The following AGBL1 variants were observed in gnomAD, a reference collection of about 807,000 sequenced individuals.
AGBL1 encodes cytosolic carboxypeptidase 4.
Under a neutral mutation model 118.9 loss-of-function variants are expected in AGBL1, and 130 were observed. That is an observed-to-expected ratio of 1.09 (90% CI 0.95 to 1.26). The LOEUF (loss-of-function observed/expected upper bound fraction) is 1.26. Ranked by LOEUF, AGBL1 falls within the 50% of genes most tolerant of loss-of-function variation. The probability of loss-of-function intolerance (pLI) is 0.00; values close to 1 mark genes in which losing one functional copy is unlikely to be tolerated. For missense variants in AGBL1, 1,584 were observed against 1,298.1 expected (o/e 1.22, Z -3.38); for synonymous variants, 555 against 478.9 (o/e 1.16, Z -2.08).
rs184362861 is a variant in AGBL1 at position 86,872,821 on chromosome 15, A to T, written c.3159-34266A>T. On this transcript the variant is annotated intron_variant, in intron 22 of 22. Coordinates refer to ENST00000614907, the MANE Select transcript of AGBL1 (RefSeq NM_001386094.1). ...ACAAATCCATAATGATATGTTTAGC[A>T]ATCCTGTTTTTTATTTATCCTTTCC... is the stretch of plus-strand genomic sequence containing the variant. 4.3e-3 allele frequency among the ~76,000 whole-genome samples: 656 copies of T among 152,348 alleles called. 2 individuals are homozygous for T. Among genetic ancestry groups the T allele is most frequent in the South Asian group, 7.0e-3 (34 of 4,828 alleles).
At chr15:86,773,128 A>C (rs2078205469) in intron 22 of AGBL1, among the ~76,000 whole-genome samples, 1 of 152,030 alleles carries the variant, frequency 6.6e-6, no homozygotes, top group South Asian at 2.1e-4. Context: ...TGTTCAACCA[A>C]CATTATTGAG....
chr15:86,756,220 G>A lies in AGBL1; in HGVS notation c.3158+81784G>A, dbSNP rs571674385. Among the ~76,000 whole-genome samples the A allele has an allele frequency of 3.3e-5, 5 of 150,398 alleles. No individual in the cohort carries two copies. In the South Asian group the frequency reaches 1.0e-3, roughly 31 times the overall value. On this transcript the variant is annotated intron_variant, in intron 22 of 22. Transcript: ENST00000614907. Reference sequence around the variant, plus strand: ...CTCACAGAAAAAGATAAGTCCCCATGAAATTCCAGTAGTGCCCCCGCCCCC... The same window carrying A: ...CTCACAGAAAAAGATAAGTCCCCATAAAATTCCAGTAGTGCCCCCGCCCCC...
At chr15:86,896,778 T>C (rs1474496756) in intron 22 of AGBL1, among the ~76,000 whole-genome samples, 5 of 152,180 alleles carry the variant, frequency 3.3e-5, no homozygotes, top group African/African-American at 1.2e-4. Context: ...GCATTTATAT[T>C]CTCTTTTGTA....
intron 17 of AGBL1, among the ~76,000 whole-genome samples, chr15:86,382,109 A>G (rs1419757404): frequency 1.3e-5 from 2 of 152,108 alleles, no homozygotes; most frequent in Non-Finnish European, 2.9e-5. Flanking sequence ...GTTGACTAGA[A>G]GGGTGGCAAT....
chr15:87,006,092 C>A (rs1490652591), intron 24 of AGBL1, among the ~76,000 whole-genome samples: 1 of 152,200 alleles, frequency 6.6e-6, no homozygotes, highest in Non-Finnish European at 1.5e-5. Flanking sequence ...TTTGAGGTAT[C>A]AGTCTGCCCC....
intron 1 of AGBL1, among the ~76,000 whole-genome samples, chr15:86,132,646 CAG>C (rs1018874672): frequency 5.2e-4 from 79 of 152,154 alleles, no homozygotes; most frequent in Non-Finnish European, 2.1e-4. Flanking sequence ...TAAAAGAAAA[CAG>C]AGAACCTTTT....
intron 22 of AGBL1, among the ~76,000 whole-genome samples, chr15:86,898,730 C>T (rs951994730): frequency 6.6e-6 from 1 of 151,732 alleles, no homozygotes; most frequent in Non-Finnish European, 1.5e-5. Context: ...GGGCAAAGGA[C>T]GTGAACAGAT....
At chr15:86,144,730 G>GTT (rs1461343040) in intron 3 of AGBL1, among the ~76,000 whole-genome samples, 1 of 152,116 alleles carries the variant, frequency 6.6e-6, no homozygotes, top group Non-Finnish European at 1.5e-5. Context: ...TTAATACCTG[G>GTT]ATGCTGAAAT....
At chr15:86,213,142 A>T (rs1442051723) in intron 5 of AGBL1, among the ~76,000 whole-genome samples, 1 of 152,230 alleles carries the variant, frequency 6.6e-6, no homozygotes, top group Non-Finnish European at 1.5e-5. Context: ...TTAGTTAGGA[A>T]AGAGTTCCTC....
intron 18 of AGBL1, among the ~76,000 whole-genome samples, chr15:86,478,890 GACCAATGGAAC>G (rs941492867): frequency 1.3e-5 from 2 of 152,096 alleles, no homozygotes; most frequent in Admixed American, 1.3e-4. Flanking sequence ...CAGAGATATA[GACCAATGGAAC>G]ACAACAGAGC....
At chr15:86,233,867 A>T (rs17665313) in intron 6 of AGBL1, among the ~76,000 whole-genome samples, 32,762 of 152,020 alleles carry the variant, frequency 0.22, 4,629 homozygotes, top group Middle Eastern at 0.33. Flanking sequence ...TCCAGTTGGG[A>T]TTTTACTGGC....
chr15:86,307,015 T>C (rs1389993748), intron 17 of AGBL1, among the ~76,000 whole-genome samples: 1 of 152,188 alleles, frequency 6.6e-6, no homozygotes, highest in African/African-American at 2.4e-5. Context: ...ATCGGATCAT[T>C]CAATTTTTTC....
intron 21 of AGBL1, among the ~76,000 whole-genome samples, chr15:86,574,208 C>T (rs181113882): frequency 1.6e-4 from 24 of 152,332 alleles, no homozygotes; most frequent in Admixed American, 5.2e-4. Context: ...CATTTATCTG[C>T]ATGCTGTGCA....
At chr15:86,239,344 C>G (rs1387281773) in intron 6 of AGBL1, among the ~76,000 whole-genome samples, 1 of 152,182 alleles carries the variant, frequency 6.6e-6, no homozygotes, top group African/African-American at 2.4e-5. Context: ...AAAGCTAATT[C>G]AAAACCATCA....
chr15:86,247,476 G>C (rs772967588), intron 6 of AGBL1, among the ~76,000 whole-genome samples, 195 bp from the exon 7 acceptor site: 1 of 152,208 alleles, frequency 6.6e-6, no homozygotes. Context: ...CGGGTGGCAC[G>C]TGATGACTGT....
intron 21 of AGBL1, among the ~76,000 whole-genome samples, chr15:86,642,651 C>T (rs2085212030): frequency 6.6e-6 from 1 of 151,644 alleles, no homozygotes; most frequent in Non-Finnish European, 1.5e-5. Context: ...GAAATTAAAC[C>T]ACTTTTACAA....
intron 15 of AGBL1, among the ~76,000 whole-genome samples, chr15:86,274,903 C>T (rs75825088): frequency 0.024 from 3,604 of 152,230 alleles, 149 homozygotes; most frequent in African/African-American, 0.083. Flanking sequence ...CACCCTGCCC[C>T]TCCCCTGGAG....
intron 22 of AGBL1, among the ~76,000 whole-genome samples, chr15:86,831,327 A>G (rs758654927): frequency 6.6e-6 from 1 of 152,154 alleles, no homozygotes; most frequent in African/African-American, 2.4e-5. Flanking sequence ...CAGTTCCTCA[A>G]AGTCTTAACT....
chr15:86,501,918 C>G (rs2142161515), intron 18 of AGBL1, among the ~76,000 whole-genome samples: 1 of 151,530 alleles, frequency 6.6e-6, no homozygotes, highest in Non-Finnish European at 1.5e-5. Flanking sequence ...TTGTGTATTC[C>G]TTGTTCTTTT....
Sources: gnomAD v4.1 joint callset for allele counts (sites outside exome capture counted in the v4.1 genomes callset) on GRCh38, gnomAD v4.1.1 for gene constraint, MANE v1.5 for transcripts, NCBI Gene and HGNC (gene_info 2026-07-23, HGNC 2026-07-21) for gene names.